Variants in POLD3 observed in about 807,000 individuals in gnomAD.
POLD3 encodes the protein DNA polymerase delta 3, accessory subunit.
POLD3 carries 19 observed loss-of-function variants against 58.2 expected under a neutral mutation model. The observed-to-expected ratio is 0.33, with a 90% CI of 0.23 to 0.48. The LOEUF is 0.48. POLD3 is among the 20% of genes least tolerant of loss of function. POLD3 has a pLI of 0.99. For synonymous variants in POLD3, 172 were observed against 193.5 expected (o/e 0.89, Z 0.92); for missense variants, 504 against 545.5 (o/e 0.92, Z 0.76).
At chr11:74,615,843 ACT>A (rs2032065143) in intron 5 of POLD3, among the ~76,000 whole-genome samples, 2 of 152,210 alleles carry the variant, frequency 1.3e-5, no homozygotes, top group Non-Finnish European at 2.9e-5. Flanking sequence ...TGCCTGGCAC[ACT>A]AATAAGTAGT....
intron 3 of POLD3, among the ~76,000 whole-genome samples, chr11:74,606,289 C>A (rs140704212): frequency 1.3e-5 from 2 of 152,276 alleles, no homozygotes; most frequent in African/African-American, 4.8e-5. Context: ...CAGAGATAAA[C>A]CTGCCTCCAG....
chr11:74,634,671 T>C lies in POLD3; in HGVS notation c.1095T>C (p.Thr365=). The change falls in exon 10 of 12, where the codon ACT becomes ACC. Residue 365 remains threonine, a synonymous_variant. Transcript: ENST00000263681. ...PSPPLEPVPK[T]EPEPPSVKSS... is the part of the protein sequence containing the mutation. The stretch of plus-strand genomic sequence containing the variant: ...CACCTCTTGAACCAGTGCCAAAGAC[T>C]GAGCCTGAACCTCCTTCTGTCAAGG... 1 of 1,609,648 alleles carries C rather than the reference T, an allele frequency of 6.2e-7. No homozygotes were observed. The highest frequency in any genetic ancestry group is 1.3e-5 in the African/African-American group (1 of 75,006).
At chr11:74,623,155 C>G (rs952469508) in intron 7 of POLD3, among the ~76,000 whole-genome samples, 7 of 152,072 alleles carry the variant, frequency 4.6e-5, no homozygotes, top group Non-Finnish European at 1.0e-4. Context: ...AAGTAGGGGC[C>G]GGGTGTGGTG....
intron 3 of POLD3, among the ~76,000 whole-genome samples, chr11:74,610,667 A>G (rs1191264883): frequency 6.6e-6 from 1 of 151,764 alleles, no homozygotes; most frequent in African/African-American, 2.4e-5. Context: ...TTTTTAAAAT[A>G]GATTATTTCA....
At chr11:74,636,047 T>C (rs2135177332) in intron 10 of POLD3, 150 bp from the exon 11 acceptor site, 1 of 688,280 alleles carries the variant, frequency 1.5e-6, no homozygotes, top group Admixed American at 2.9e-5. Flanking sequence ...TGTGATGGGG[T>C]TGGTTCTCTA....
chr11:74,652,501 T>C (rs1231875414), intron 4 of POLD3: 1 of 152,218 alleles, frequency 6.6e-6, no homozygotes, highest in Non-Finnish European at 1.5e-5. Flanking sequence ...TTTCTAATCA[T>C]ACATATTTTG....
intron 3 of POLD3, among the ~76,000 whole-genome samples, chr11:74,605,761 G>A (rs901347323): frequency 1.3e-5 from 2 of 152,064 alleles, no homozygotes; most frequent in Admixed American, 6.6e-5. Context: ...GTTTTTTAGC[G>A]ATTGAGTCCC....
At chr11:74,592,836 TC>T in intron 1 of POLD3, 118 bp downstream of exon 1, 1 of 1,501,114 alleles carries the variant, frequency 6.7e-7, no homozygotes, top group South Asian at 1.3e-5. Flanking sequence ...GGGAGACAGG[TC>T]CCCACGAGGG....
intron 3 of POLD3, among the ~76,000 whole-genome samples, chr11:74,609,347 T>G (rs1361338043): frequency 5.0e-4 from 19 of 38,380 alleles, no homozygotes; most frequent in Non-Finnish European, 7.4e-4. Flanking sequence ...TTGTTTTTGA[T>G]ATATATATAT....
At chr11:74,623,382 C>T (rs1291306934) in intron 7 of POLD3, among the ~76,000 whole-genome samples, 2 of 152,110 alleles carry the variant, frequency 1.3e-5, no homozygotes, top group Non-Finnish European at 2.9e-5. Context: ...TTGCAGTGAG[C>T]CGAGATCACG....
intron 11 of POLD3, among the ~76,000 whole-genome samples, chr11:74,639,292 G>A (rs1210844827): frequency 6.6e-6 from 1 of 152,188 alleles, no homozygotes; most frequent in Non-Finnish European, 1.5e-5. Context: ...GATATCTTAA[G>A]TAGCAGAGTA....
At chr11:74,607,278 T>A (rs370391881) in intron 3 of POLD3, among the ~76,000 whole-genome samples, 10 of 103,806 alleles carry the variant, frequency 9.6e-5, no homozygotes, top group African/African-American at 2.4e-4. Context: ...TTATTTATTT[T>A]TTGAGACCGA....
At chr11:74,632,932 A>T (rs1283203311) in intron 9 of POLD3, among the ~76,000 whole-genome samples, 1 of 136,288 alleles carries the variant, frequency 7.3e-6, no homozygotes, top group Admixed American at 7.5e-5. Flanking sequence ...ACACACACAC[A>T]CAGTTACTCT....
intron 8 of POLD3, 158 bp from the exon 9 acceptor site, chr11:74,629,059 G>T: frequency 1.9e-6 from 1 of 521,050 alleles, no homozygotes; most frequent in Non-Finnish European, 3.4e-6. Context: ...TCAGTTAGCA[G>T]AGTATCCTTA....
chr11:74,633,773 TA>T (rs2032663334), intron 9 of POLD3, among the ~76,000 whole-genome samples: 1 of 152,212 alleles, frequency 6.6e-6, no homozygotes, highest in South Asian at 2.1e-4. Flanking sequence ...ATTTTTTTCC[TA>T]AAAGTGTTCT....
At chr11:74,644,567 TC>T (rs2032976957), downstream of POLD3, among the ~76,000 whole-genome samples, 2 of 152,208 alleles carry the variant, frequency 1.3e-5, no homozygotes, top group African/African-American at 2.4e-5. Context: ...TTTTTTGTGT[TC>T]TTAGGTGCGG....
chr11:74,661,139 C>T (rs952413489), intron 4 of POLD3, among the ~76,000 whole-genome samples: 2 of 152,090 alleles, frequency 1.3e-5, no homozygotes, highest in African/African-American at 4.8e-5. Context: ...TTCCTCAAAA[C>T]AGCTTTGAAT....
intron 11 of POLD3, among the ~76,000 whole-genome samples, chr11:74,639,649 ATCC>A (rs1451560384): frequency 6.6e-6 from 1 of 152,102 alleles, no homozygotes; most frequent in African/African-American, 2.4e-5. Flanking sequence ...AGTAGTGTAG[ATCC>A]TCCTCGGTTA....
At chr11:74,596,982 CTA>C (rs1463445121) in intron 2 of POLD3, among the ~76,000 whole-genome samples, 1 of 152,174 alleles carries the variant, frequency 6.6e-6, no homozygotes, top group Non-Finnish European at 1.5e-5. Context: ...TGTATATACA[CTA>C]TATTTCCTTT....
Sources: gnomAD v4.1 joint callset for allele counts (sites outside exome capture counted in the v4.1 genomes callset) on GRCh38, gnomAD v4.1.1 for gene constraint, MANE v1.5 for transcripts, NCBI Gene and HGNC (gene_info 2026-07-23, HGNC 2026-07-21) for gene names.